MAF: variants seen among roughly 807,000 people sequenced by gnomAD.
MAF encodes the protein MAF bZIP transcription factor.
MAF carries 10 observed loss-of-function variants against 22.0 expected under a neutral mutation model. That is an observed-to-expected ratio of 0.45 (90% CI 0.28 to 0.77). MAF has a LOEUF of 0.77. MAF is among the 30% of genes least tolerant of loss of function. The pLI is 0.12. For synonymous variants in MAF, 337 were observed against 255.8 expected, an observed-to-expected ratio of 1.32 and a Z score of -3.03; for missense variants, 544 against 548.4, an observed-to-expected ratio of 0.99 and a Z score of 0.08.
the MAF span, among the ~76,000 whole-genome samples, chr16:79,482,945 C>T: frequency 1.1e-5 from 1 of 89,770 alleles, no homozygotes; most frequent in African/African-American, 4.7e-5. Flanking sequence ...CCCCTCCTTC[C>T]CTATCTCCCT....
chr16:79,452,264 AACATAGGTTAAAT>A, the MAF span, among the ~76,000 whole-genome samples: 1 of 152,252 alleles, frequency 6.6e-6, no homozygotes, highest in Non-Finnish European at 1.5e-5. Context: ...ACAAGCTATT[AACATAGGTTAAAT>A]TATGAGCAAC....
chr16:79,554,518 G>A, the MAF span, among the ~76,000 whole-genome samples: 2 of 152,180 alleles, frequency 1.3e-5, no homozygotes, highest in African/African-American at 4.8e-5. Context: ...TGGGATTTTA[G>A]AAAAGAGCAT....
chr16:79,211,683 A>G, the MAF span: 2 of 1,614,184 alleles, frequency 1.2e-6, no homozygotes, highest in Non-Finnish European at 8.5e-7. Flanking sequence ...GTACTTCAAC[A>G]ACTGCTGCCG....
chr16:79,369,455 G>A, the MAF span, among the ~76,000 whole-genome samples: 3 of 152,292 alleles, frequency 2.0e-5, no homozygotes, highest in Admixed American at 6.5e-5. Flanking sequence ...AACTAGTTCT[G>A]CTCTTCTCTT....
At chr16:79,237,475 T>G in the MAF span, among the ~76,000 whole-genome samples, 1 of 152,108 alleles carries the variant, frequency 6.6e-6, no homozygotes, top group African/African-American at 2.4e-5. Context: ...TGGAAATGGT[T>G]GGTTGGAGGA....
At chr16:79,299,061 C>T in the MAF span, among the ~76,000 whole-genome samples, 1 of 152,250 alleles carries the variant, frequency 6.6e-6, no homozygotes, top group Non-Finnish European at 1.5e-5. Context: ...TCGGCGGCAA[C>T]AAGCCCCAAC....
chr16:79,211,652 A>G, the MAF span: 1 of 1,614,174 alleles, frequency 6.2e-7, no homozygotes, highest in South Asian at 1.1e-5. Flanking sequence ...CTGTCCCAGA[A>G]CTGGAGGGTC....
chr16:79,267,289 G>C, the MAF span, among the ~76,000 whole-genome samples: 1 of 152,210 alleles, frequency 6.6e-6, no homozygotes, highest in Admixed American at 6.5e-5. Flanking sequence ...GGAGGGTCCA[G>C]CTAGCACTTG....
chr16:79,407,232 G>A, the MAF span, among the ~76,000 whole-genome samples: 1 of 152,150 alleles, frequency 6.6e-6, no homozygotes, highest in Non-Finnish European at 1.5e-5. Context: ...GACGCGTTGC[G>A]CAAGGAGTGC....
chr16:79,535,586 C>T, the MAF span, among the ~76,000 whole-genome samples: 2,171 of 130,532 alleles, frequency 0.017, 125 homozygotes, highest in East Asian at 0.039. Context: ...ATTGCTTCTT[C>T]TTTTTTTTTT....
At chr16:79,204,157 C>T in the MAF span, 1 of 152,140 alleles carries the variant, frequency 6.6e-6, no homozygotes, top group Admixed American at 6.5e-5. Context: ...TGCGATGTTT[C>T]ATCCCTATTC....
At chr16:79,542,379 T>C in the MAF span, among the ~76,000 whole-genome samples, 1 of 151,956 alleles carries the variant, frequency 6.6e-6, no homozygotes, top group Non-Finnish European at 1.5e-5. Flanking sequence ...ACGTGGTGAG[T>C]AAGTGCCTGT....
the MAF span, among the ~76,000 whole-genome samples, chr16:79,476,020 G>C: frequency 6.6e-6 from 1 of 152,150 alleles, no homozygotes; most frequent in Non-Finnish European, 1.5e-5. Flanking sequence ...TAATCAAAAG[G>C]GAGATGATCC....
the MAF span, among the ~76,000 whole-genome samples, chr16:79,532,712 G>T: frequency 1.3e-5 from 2 of 152,192 alleles, no homozygotes; most frequent in African/African-American, 4.8e-5. Context: ...GTGTGTGCGC[G>T]TGCATGCGTG....
the MAF span, among the ~76,000 whole-genome samples, chr16:79,332,202 C>A: frequency 2.6e-5 from 4 of 152,214 alleles, no homozygotes; most frequent in Non-Finnish European, 4.4e-5. Flanking sequence ...AGGCACAAAA[C>A]TGACGTGCTA....
the MAF span, among the ~76,000 whole-genome samples, chr16:79,235,871 G>A: frequency 6.6e-6 from 1 of 152,038 alleles, no homozygotes; most frequent in Non-Finnish European, 1.5e-5. Flanking sequence ...GTGGAATTCA[G>A]AAGCAAGAGG....
downstream of MAF, chr16:79,585,824 G>C: frequency 1.1e-5 from 5 of 435,402 alleles, no homozygotes; most frequent in South Asian, 2.6e-5. Flanking sequence ...AAAAAACAAA[G>C]AAAAGGAAAA....
chr16:79,498,423 G>A, the MAF span, among the ~76,000 whole-genome samples: 1 of 152,246 alleles, frequency 6.6e-6, no homozygotes, highest in East Asian at 1.9e-4. Context: ...GAAGAAATTT[G>A]TTTTCAACAG....
At chr16:79,216,996 G>A in the MAF span, among the ~76,000 whole-genome samples, 5 of 152,152 alleles carry the variant, frequency 3.3e-5, no homozygotes, top group African/African-American at 9.7e-5. Flanking sequence ...TTTTAGTAGA[G>A]ATAGGGTTTT....
Sources: allele counts gnomAD v4.1 joint callset (sites outside exome capture counted in the v4.1 genomes callset), GRCh38; gene constraint gnomAD v4.1.1; transcripts MANE v1.5; gene names NCBI Gene and HGNC (gene_info 2026-07-23, HGNC 2026-07-21).